Variants in RADIL observed in about 807,000 individuals in gnomAD.
RADIL encodes Rap associating with DIL domain, also known as ras-associating and dilute domain-containing protein.
Under a neutral mutation model 97.6 loss-of-function variants are expected in RADIL, and 99 were observed. The observed-to-expected ratio is 1.01, with a 90% confidence interval of 0.86 to 1.20. The LOEUF (loss-of-function observed/expected upper bound fraction) is 1.20. Ranked by LOEUF, RADIL falls within the 50% of genes most tolerant of loss-of-function variation. The pLI, the probability that RADIL is intolerant of heterozygous loss-of-function variation, is 0.00. For synonymous variants in RADIL, 803 were observed against 691.8 expected (o/e 1.16, Z -2.52); for missense variants, 1,765 against 1,498.9 (o/e 1.18, Z -2.93).
chr7:4,821,435 A>G lies in RADIL; in HGVS notation c.1615+959T>C, dbSNP rs2115196636. Among the ~76,000 whole-genome samples the G allele has an allele frequency of 6.6e-6, 1 of 152,268 alleles. No homozygotes were observed. The highest frequency in any genetic ancestry group is 1.9e-4 in the East Asian group (1 of 5,182). ...TTCCAGGCCCCACACAGTCCTTAGC[A>G]GACACATGAGCCGAAATCCTACCCC... On this transcript the variant is annotated intron_variant, in intron 6 of 14. Coordinates refer to ENST00000399583, the MANE Select transcript of RADIL (RefSeq NM_018059.5). This position sits in a 1 kb window ranked among gnomAD's most constrained non-coding sequence, Gnocchi z 5.2.
At chr7:4,881,414 CAAAA>C (rs58871429) in intron 1 of RADIL, among the ~76,000 whole-genome samples, 1 of 82,290 alleles carries the variant, frequency 1.2e-5, no homozygotes. Context: ...GACTCCCTCT[CAAAA>C]AAAAAAAAAA....
At chr7:4,875,915 G>A (rs1305600487) in intron 2 of RADIL, among the ~76,000 whole-genome samples, 23 of 152,138 alleles carry the variant, frequency 1.5e-4, no homozygotes, top group African/African-American at 5.5e-4. Flanking sequence ...CTGGGTGGAG[G>A]AAGGATCCCC....
At chr7:4,823,601 CG>C (rs1782894651) in intron 5 of RADIL, among the ~76,000 whole-genome samples, 1 of 152,184 alleles carries the variant, frequency 6.6e-6, no homozygotes, top group South Asian at 2.1e-4. Context: ...TGCTGCCTTC[CG>C]GCTCAGTGCT....
chr7:4,882,659 C>T (rs1212613121), intron 1 of RADIL, among the ~76,000 whole-genome samples: 1 of 152,212 alleles, frequency 6.6e-6, no homozygotes, highest in East Asian at 1.9e-4. Context: ...AGCTCTCTCC[C>T]CTCCTTCCAT....
chr7:4,859,033 T>C lies in RADIL; in HGVS notation c.535+18572A>G, dbSNP rs911035742. On this transcript the variant is annotated intron_variant, in intron 2 of 14. Transcript: ENST00000399583. ...TTAAAACCAGTGTGTCCTTTCTCCA[T>C]AGTGTGCCATCAAAACCAAAGACCT... The C allele has an allele frequency of 5.9e-5, 9 of 152,272 alleles. No homozygotes were observed. The East Asian group carries it at 1.7e-3, about 29-fold the overall frequency. The allele number at this position is 152,272 out of a possible 1,614,324, so 9.4% of individuals were successfully genotyped here. A position where few individuals can be genotyped will look rare whatever the true frequency, so the allele number is the denominator to read the frequency against.
intron 9 of RADIL, chr7:4,809,372 T>G (rs1782469153): frequency 1.0e-6 from 1 of 984,518 alleles, no homozygotes; most frequent in African/African-American, 1.7e-5. Context: ...CCCGCCCGGC[T>G]GAGCGGGGGG....
At chr7:4,802,555 C>G (rs1379335757) in intron 11 of RADIL, among the ~76,000 whole-genome samples, 1 of 130,702 alleles carries the variant, frequency 7.7e-6, no homozygotes, top group Non-Finnish European at 1.6e-5. Context: ...GCTGGCTGGA[C>G]CCCCTCCCCG....
intron 2 of RADIL, among the ~76,000 whole-genome samples, chr7:4,847,737 T>C (rs1367223457): frequency 7.0e-5 from 1 of 14,204 alleles, no homozygotes. Flanking sequence ...AAAAGCTAGA[T>C]GCAAAAAAAA....
chr7:4,806,100 A>T (rs930594182), intron 9 of RADIL: 54 of 946,202 alleles, frequency 5.7e-5, no homozygotes, highest in Non-Finnish European at 6.8e-5. Context: ...ACCTGCCTGG[A>T]AGGCAGGGAC....
In RADIL at chr7:4,809,108, G is replaced by A. The variant is rs939260088; in HGVS notation, c.2140-3392C>T. 9 of 984,528 alleles carry A rather than the reference G, an allele frequency of 9.1e-6. No individual in the cohort carries two copies. The African/African-American group carries it at 1.6e-4, about 17-fold the overall frequency. The allele number at this position is 984,528 out of a possible 1,614,324, so 61.0% of individuals were successfully genotyped here. On this transcript the variant is annotated intron_variant, in intron 9 of 14. Transcript: ENST00000399583. ...TGTAGACGCTCTGCTCAGGATGCGG[G>A]GCGCAGGACAGGCGCTTCCTGGCCT...
intron 14 of RADIL, 66 bp downstream of exon 14, chr7:4,799,564 C>G (rs1321950637): frequency 1.2e-6 from 2 of 1,610,362 alleles, no homozygotes; most frequent in African/African-American, 2.7e-5. Flanking sequence ...TCTCCTTTAC[C>G]CCAGGTCCAC....
rs1233390523 is a variant in RADIL at position 4,834,884 on chromosome 7, C to T, written c.1139G>A (p.Arg380Gln). The change falls in exon 4 of 15, where the codon CGG (arginine) becomes CAG (glutamine). Residue 380 changes from arginine to glutamine, a missense_variant. Transcript: ENST00000399583. The surrounding 1 kb of genome is among the most constrained non-coding windows in gnomAD (Gnocchi z 6.0). ...ARLRAVPQSC[R>Q]LCGAALGARG... ...GGCCCCGAGCGCGGCCCCGCACAGCCGGCAGCTCTGCGGCACAGCCCGGAG... is the reference window on the plus strand; with the variant it reads ...GGCCCCGAGCGCGGCCCCGCACAGCTGGCAGCTCTGCGGCACAGCCCGGAG... The T allele has an allele frequency of 7.6e-6, 11 of 1,448,520 alleles. No homozygotes were observed. The Admixed American group carries it at 2.3e-4, about 30-fold the overall frequency. 89.7% of individuals were successfully genotyped at this position (1,448,520 alleles called of 1,614,324 possible). A position where few individuals can be genotyped will look rare whatever the true frequency, so the allele number is the denominator to read the frequency against.
intron 10 of RADIL, among the ~76,000 whole-genome samples, chr7:4,804,612 C>A (rs1043612754): frequency 2.6e-5 from 4 of 151,924 alleles, no homozygotes; most frequent in Non-Finnish European, 5.9e-5. Flanking sequence ...CATGGTGAAA[C>A]CCCGTCTCTA....
rs570314645 is a variant in RADIL, at chr7:4,863,425, G to A, written c.535+14180C>T. ...AGAGTGGTATTACCTCTTGGGTCTTGTAATTTTGGATTGTGAGCTCATTTC... is the reference window on the plus strand; with the variant it reads ...AGAGTGGTATTACCTCTTGGGTCTTATAATTTTGGATTGTGAGCTCATTTC... On this transcript the variant is annotated intron_variant, in intron 2 of 14. Transcript: ENST00000399583. 7.2e-5 allele frequency among the ~76,000 whole-genome samples: 11 copies of A among 152,296 alleles called. No homozygotes were observed. The South Asian group carries it at 2.1e-3, about 29-fold the overall frequency.
At chr7:4,855,352 G>C (rs1783800747) in intron 2 of RADIL, among the ~76,000 whole-genome samples, 1 of 151,996 alleles carries the variant, frequency 6.6e-6, no homozygotes, top group Non-Finnish European at 1.5e-5. Flanking sequence ...TCTGGACACG[G>C]CTGTGGTCCC....
In RADIL at chr7:4,834,807, G is replaced by A; in HGVS notation, c.1216C>T (p.Leu406Phe). The A allele has an allele frequency of 2.3e-6, 3 of 1,328,746 alleles. No individual in the cohort carries two copies. Among genetic ancestry groups the A allele is most frequent in the Non-Finnish European group, 2.9e-6 (3 of 1,035,226 alleles). 82.3% of individuals were successfully genotyped at this position (1,328,746 alleles called of 1,614,324 possible). ...TCCAGGTGGGGCTCAAACTCCAGGA[G>A]CAGCTGCTGGCGCCGGGGCAGGGCG... is the stretch of plus-strand genomic sequence containing the variant. ...QAALPRRQQL[L>F]LEFEPHLEDT... The change falls in exon 4 of 15, where the codon CTC (leucine) becomes TTC (phenylalanine). Residue 406 changes from leucine to phenylalanine, a missense_variant. Transcript: ENST00000399583. The surrounding 1 kb of genome is among the most constrained non-coding windows in gnomAD (Gnocchi z 6.0).
At chr7:4,811,767 G>A (rs946174563) in intron 9 of RADIL, among the ~76,000 whole-genome samples, 8 of 152,114 alleles carry the variant, frequency 5.3e-5, no homozygotes, top group Non-Finnish European at 1.0e-4. Flanking sequence ...GATTACAGGC[G>A]TGAGCCACCG....
chr7:4,834,295 G>A lies in RADIL; in HGVS notation c.1416+312C>T, dbSNP rs1439581364. Reference sequence around the variant, plus strand: ...CTCAGGGGCAGCTCACTCCTGGCACGTGACAGTGCTGGGCCCAGCTGGACC... The same window carrying A: ...CTCAGGGGCAGCTCACTCCTGGCACATGACAGTGCTGGGCCCAGCTGGACC... On this transcript the variant is annotated intron_variant, in intron 4 of 14. Coordinates refer to ENST00000399583, the MANE Select transcript of RADIL (RefSeq NM_018059.5). This position sits in a 1 kb window ranked among gnomAD's most constrained non-coding sequence, Gnocchi z 6.0. Among the ~76,000 whole-genome samples the A allele has an allele frequency of 2.0e-5, 3 of 152,234 alleles. No homozygotes were observed. The highest frequency in any genetic ancestry group is 4.1e-4 in the South Asian group (2 of 4,820).
rs368577422 is a variant in RADIL, at chr7:4,801,863, G to A, written c.2632C>T (p.Gln878Ter). ...TLPLRGAPWA[Q>*]APPGRQPSRG... ...CTGGGTTGCCTTCCAGGGGGGGCCTGTGCCCAGGGAGCCCCCCTCAAGGGA... is the reference window on the plus strand; with the variant it reads ...CTGGGTTGCCTTCCAGGGGGGGCCTATGCCCAGGGAGCCCCCCTCAAGGGA... Residue 878 changes from glutamine to a stop codon, truncating the protein, a stop_gained, in exon 12 of 15, where the codon CAG (glutamine) becomes TAG (stop). Coordinates refer to ENST00000399583, the MANE Select transcript of RADIL (RefSeq NM_018059.5). LOFTEE classifies it high-confidence loss of function. 1 of 1,593,014 alleles carries A rather than the reference G, an allele frequency of 6.3e-7. No individual in the cohort carries two copies. Among genetic ancestry groups the A allele is most frequent in the African/African-American group, 1.3e-5 (1 of 74,648 alleles).
Sources: gnomAD v4.1 joint callset for allele counts (sites outside exome capture counted in the v4.1 genomes callset) on GRCh38, gnomAD v4.1.1 for gene constraint, Gnocchi (gnomAD v3.1) non-coding constraint, MANE v1.5 for transcripts, NCBI Gene and HGNC (gene_info 2026-07-23, HGNC 2026-07-21) for gene names.